The following WDFY4 variants were observed in gnomAD, a reference collection of about 807,000 sequenced individuals.
WDFY4 encodes the protein WD repeat- and FYVE domain-containing protein 4.
A neutral mutation model predicts 351.9 loss-of-function variants in WDFY4; 169 were observed. The ratio of observed to expected loss-of-function variants is 0.48; its 90% CI spans 0.42 to 0.55. The LOEUF (loss-of-function observed/expected upper bound fraction) is 0.55. WDFY4 is among the 20% of genes least tolerant of loss of function. WDFY4 has a pLI of 0.00. For missense variants in WDFY4, 3,803 were observed against 3,935.6 expected (o/e 0.97, Z 0.90); for synonymous variants, 1,622 against 1,574.6 (o/e 1.03, Z -0.71).
At position 48,719,998 on chromosome 10, in the gene WDFY4, T is replaced by C; in HGVS notation, c.235-13T>C. 1 of 1,550,632 alleles carries C rather than the reference T, an allele frequency of 6.4e-7. No individual in the cohort carries two copies. Among genetic ancestry groups the C allele is most frequent in the Non-Finnish European group, 8.7e-7 (1 of 1,146,062 alleles). ...CATTGCTATCTCTGACCAAGTCCCA[T>C]CTGTTGCTTCAGGCCTGGGAACACT... is the stretch of plus-strand genomic sequence containing the variant. On this transcript the variant is annotated splice_polypyrimidine_tract_variant and intron_variant, in intron 2 of 61. Coordinates refer to ENST00000325239, the MANE Select transcript of WDFY4 (RefSeq NM_001394531.1).
chr10:48,833,172 T>TGTGTGTGA (rs372781295), intron 39 of WDFY4, among the ~76,000 whole-genome samples: 2 of 135,818 alleles, frequency 1.5e-5, no homozygotes, highest in African/African-American at 5.5e-5. Context: ...TGTGTGTGTG[T>TGTGTGTGA]GAGAGAGAGA....
chr10:48,749,083 G>T (rs972399226), intron 12 of WDFY4, among the ~76,000 whole-genome samples: 1 of 152,170 alleles, frequency 6.6e-6, no homozygotes, highest in African/African-American at 2.4e-5. Context: ...AGTGATCACA[G>T]CTGCTTCCTA....
At chr10:48,778,528 T>C in intron 17 of WDFY4, 83 bp from the exon 18 acceptor site, 4 of 1,397,714 alleles carry the variant, frequency 2.9e-6, no homozygotes, top group Non-Finnish European at 3.9e-6. Context: ...GCACCTGGGC[T>C]AAATCAGCAC....
At chr10:48,734,331 C>T (rs1286003382) in intron 10 of WDFY4, among the ~76,000 whole-genome samples, 1 of 152,122 alleles carries the variant, frequency 6.6e-6, no homozygotes, top group African/African-American at 2.4e-5. Context: ...TCCTGCTGCA[C>T]TGACTGTAGA....
intron 17 of WDFY4, 70 bp from the exon 18 acceptor site, chr10:48,778,541 T>C (rs2132644094): frequency 6.8e-7 from 1 of 1,462,432 alleles, no homozygotes; most frequent in South Asian, 1.2e-5. Context: ...ATCAGCACCA[T>C]AGTGAATCTG....
At chr10:48,794,325 T>G (rs2066783202) in intron 23 of WDFY4, among the ~76,000 whole-genome samples, 1 of 152,082 alleles carries the variant, frequency 6.6e-6, no homozygotes, top group African/African-American at 2.4e-5. Flanking sequence ...GTGAGCAGCC[T>G]GGGCAGGTGG....
chr10:48,879,037 A>G (rs17772255), intron 43 of WDFY4, among the ~76,000 whole-genome samples: 15,205 of 152,326 alleles, frequency 0.1, 943 homozygotes, highest in Middle Eastern at 0.21. Flanking sequence ...GTTGCTGAGG[A>G]CTAACGGCAG....
chr10:48,791,619 G>T (rs2066683471), intron 23 of WDFY4, among the ~76,000 whole-genome samples: 1 of 152,218 alleles, frequency 6.6e-6, no homozygotes, highest in African/African-American at 2.4e-5. Context: ...AATTGGTAAA[G>T]TCAGATGAGA....
intron 1 of WDFY4, among the ~76,000 whole-genome samples, chr10:48,688,276 C>T (rs548192249): frequency 6.6e-6 from 1 of 152,148 alleles, no homozygotes; most frequent in Non-Finnish European, 1.5e-5. Flanking sequence ...TTTTCTTCTT[C>T]CATCCTGTCT....
In WDFY4 at chr10:48,729,347, G is replaced by T. The variant is rs1366890461; in HGVS notation, c.972-85G>T. On this transcript the variant is annotated intron_variant, in intron 7 of 61. Coordinates refer to ENST00000325239, the MANE Select transcript of WDFY4 (RefSeq NM_001394531.1). ...CTTCCCCAGCTTGCAGATCCCCATT[G>T]GCTCTGTCTCCTTGAGAGCACCATG... 5 of 1,504,294 alleles carry T rather than the reference G, an allele frequency of 3.3e-6. No individual in the cohort carries two copies. In the South Asian group the frequency reaches 5.3e-5, roughly 16 times the overall value. 93.2% of individuals were successfully genotyped at this position (1,504,294 alleles called of 1,614,324 possible).
At chr10:48,949,631 G>A (rs1273546980) in intron 51 of WDFY4, among the ~76,000 whole-genome samples, 1 of 152,212 alleles carries the variant, frequency 6.6e-6, no homozygotes, top group African/African-American at 2.4e-5. Context: ...ATGATGGAGT[G>A]GGGAAGAGTG....
At chr10:48,687,632 T>A (rs2063086143) in intron 1 of WDFY4, among the ~76,000 whole-genome samples, 1 of 106,744 alleles carries the variant, frequency 9.4e-6, no homozygotes. Flanking sequence ...TTTTTTTTTT[T>A]GAGATGGAGT....
chr10:48,743,739 T>C (rs1589504288), intron 12 of WDFY4, among the ~76,000 whole-genome samples, 191 bp downstream of exon 12: 1 of 152,072 alleles, frequency 6.6e-6, no homozygotes, highest in East Asian at 1.9e-4. Context: ...TGATGGAAAA[T>C]TCAATCTGAG....
chr10:48,780,240 G>A, intron 19 of WDFY4, 121 bp downstream of exon 19: 6 of 1,277,746 alleles, frequency 4.7e-6, no homozygotes, highest in Non-Finnish European at 6.4e-6. Flanking sequence ...ATTACTGGTA[G>A]GGTTGGCATC....
chr10:48,777,598 G>A (rs1433393019), intron 17 of WDFY4, 103 bp downstream of exon 17: 2 of 1,186,818 alleles, frequency 1.7e-6, no homozygotes, highest in Non-Finnish European at 2.4e-6. Context: ...AATAAAGTGT[G>A]AGCTGTGCTG....
At chr10:48,867,968 A>G (rs146710110) in intron 40 of WDFY4, among the ~76,000 whole-genome samples, 2 of 152,340 alleles carry the variant, frequency 1.3e-5, no homozygotes, top group African/African-American at 2.4e-5. Context: ...AAACTTGTAG[A>G]TGAAACCCAG....
At chr10:48,885,532 G>A (rs1182031079) in intron 43 of WDFY4, among the ~76,000 whole-genome samples, 3 of 152,206 alleles carry the variant, frequency 2.0e-5, no homozygotes, top group Non-Finnish European at 4.4e-5. Context: ...GATTGGAGGT[G>A]TGGCTGTCTG....
At chr10:48,685,354 G>A (rs1211095109) in intron 1 of WDFY4, among the ~76,000 whole-genome samples, 2 of 152,246 alleles carry the variant, frequency 1.3e-5, no homozygotes, top group African/African-American at 4.8e-5. Flanking sequence ...CCTGGGAAGG[G>A]CTGACACGGG....
chr10:48,949,331 T>C (rs1841205660), intron 51 of WDFY4, among the ~76,000 whole-genome samples: 1 of 152,196 alleles, frequency 6.6e-6, no homozygotes, highest in African/African-American at 2.4e-5. Flanking sequence ...TTCAGCTTTT[T>C]CCTTAGGAAA....
Sources: allele counts gnomAD v4.1 joint callset (sites outside exome capture counted in the v4.1 genomes callset), GRCh38; gene constraint gnomAD v4.1.1; transcripts MANE v1.5; gene names NCBI Gene and HGNC (gene_info 2026-07-23, HGNC 2026-07-21).